Variants in OTUD7A observed in about 807,000 individuals in gnomAD.
OTUD7A encodes OTU domain-containing protein 7A.
OTUD7A carries 12 observed loss-of-function variants against 65.7 expected under a neutral mutation model. That is an observed-to-expected ratio of 0.18 (90% CI 0.12 to 0.30). The LOEUF is 0.30. OTUD7A is among the 10% of genes least tolerant of loss of function. The pLI, the probability that OTUD7A is intolerant of heterozygous loss-of-function variation, is 1.00. For missense variants in OTUD7A, 1,148 were observed against 1,304.8 expected (o/e 0.88, Z 1.85); for synonymous variants, 641 against 586.3 (o/e 1.09, Z -1.35).
At chr15:31,582,313 C>T (rs1305439802) in intron 3 of OTUD7A, among the ~76,000 whole-genome samples, 1 of 152,194 alleles carries the variant, frequency 6.6e-6, no homozygotes, top group African/African-American at 2.4e-5. Context: ...CCACATTTTC[C>T]TGTCTTCTTC....
At chr15:31,563,328 C>T (rs1050428122) in intron 4 of OTUD7A, among the ~76,000 whole-genome samples, 4 of 152,216 alleles carry the variant, frequency 2.6e-5, no homozygotes, top group Non-Finnish European at 4.4e-5. Flanking sequence ...GCCCTGAGCA[C>T]AAGACCGAGC....
At chr15:31,650,006 G>A (rs559020322) in intron 3 of OTUD7A, among the ~76,000 whole-genome samples, 35 of 129,082 alleles carry the variant, frequency 2.7e-4, no homozygotes, top group East Asian at 4.2e-4. Flanking sequence ...GGTCTCTACC[G>A]TTCTAAGAAA....
chr15:31,742,955 A>C (rs1462840510), intron 1 of OTUD7A, among the ~76,000 whole-genome samples: 1 of 152,192 alleles, frequency 6.6e-6, no homozygotes, highest in African/African-American at 2.4e-5. Context: ...AAATATATAA[A>C]GCAAAATATG....
chr15:31,494,168 T>C (rs1213288281), intron 10 of OTUD7A, among the ~76,000 whole-genome samples: 1 of 152,256 alleles, frequency 6.6e-6, no homozygotes, highest in Non-Finnish European at 1.5e-5. Flanking sequence ...GACTGAATAT[T>C]TGTGTTCCTC....
intron 3 of OTUD7A, among the ~76,000 whole-genome samples, chr15:31,654,711 C>T (rs914218101): frequency 1.3e-5 from 2 of 152,152 alleles, no homozygotes; most frequent in African/African-American, 4.8e-5. Flanking sequence ...TCTCATGCAG[C>T]AAATGGTATC....
At chr15:31,620,552 T>C (rs1890746945) in intron 3 of OTUD7A, among the ~76,000 whole-genome samples, 1 of 150,634 alleles carries the variant, frequency 6.6e-6, no homozygotes, top group South Asian at 2.1e-4. Context: ...AGTTTATTTG[T>C]GTAGAGGTGT....
chr15:31,854,778 G>A (rs1053818025), intron 1 of OTUD7A, among the ~76,000 whole-genome samples: 2 of 151,668 alleles, frequency 1.3e-5, no homozygotes, highest in Non-Finnish European at 2.9e-5. Context: ...ACATCTTTGA[G>A]GGGTTGTCTT....
chr15:31,709,169 G>C (rs1893375336), intron 1 of OTUD7A, among the ~76,000 whole-genome samples: 2 of 151,380 alleles, frequency 1.3e-5, no homozygotes, highest in Non-Finnish European at 1.5e-5. Flanking sequence ...AGACCTCCTA[G>C]CTACGCCTGC....
At chr15:31,792,459 T>G (rs2140938708) in intron 1 of OTUD7A, among the ~76,000 whole-genome samples, 1 of 152,138 alleles carries the variant, frequency 6.6e-6, no homozygotes, top group South Asian at 2.1e-4. Flanking sequence ...CCCTCCCCTC[T>G]CCCCATATTC....
chr15:31,570,719 A>C (rs747671823), intron 3 of OTUD7A, among the ~76,000 whole-genome samples: 1 of 152,086 alleles, frequency 6.6e-6, no homozygotes, highest in Non-Finnish European at 1.5e-5. Flanking sequence ...TAGGCTTCTG[A>C]GCTCAGGCCC....
chr15:31,753,278 T>C (rs1894688716), intron 1 of OTUD7A, among the ~76,000 whole-genome samples: 1 of 152,020 alleles, frequency 6.6e-6, no homozygotes, highest in Non-Finnish European at 1.5e-5. Flanking sequence ...ATCCAGGCAG[T>C]GTCACTGAAG....
At chr15:31,543,385 C>T (rs1239856073) in intron 5 of OTUD7A, among the ~76,000 whole-genome samples, 2 of 151,808 alleles carry the variant, frequency 1.3e-5, no homozygotes, top group Non-Finnish European at 3.0e-5. Flanking sequence ...AGAGAATAAA[C>T]ACCACATTGA....
At chr15:31,774,081 T>C (rs1895307632) in intron 1 of OTUD7A, among the ~76,000 whole-genome samples, 1 of 152,240 alleles carries the variant, frequency 6.6e-6, no homozygotes, top group South Asian at 2.1e-4. Context: ...AGCCATGCAC[T>C]ATGAGAGAAT....
intron 1 of OTUD7A, chr15:31,768,152 C>T (rs1895137505): frequency 3.8e-6 from 6 of 1,574,552 alleles, no homozygotes; most frequent in African/African-American, 1.4e-5. Context: ...AACTTCATTC[C>T]ACAGCTTGGT....
At chr15:31,537,008 A>G (rs2141130318) in intron 5 of OTUD7A, among the ~76,000 whole-genome samples, 1 of 152,358 alleles carries the variant, frequency 6.6e-6, no homozygotes, top group Non-Finnish European at 1.5e-5. Flanking sequence ...ATATACATGT[A>G]ACGAAATTTC....
chr15:31,863,419 G>C (rs1419208475), intron 1 of OTUD7A, among the ~76,000 whole-genome samples: 1 of 152,152 alleles, frequency 6.6e-6, no homozygotes, highest in Non-Finnish European at 1.5e-5. Context: ...ACTTTTACCT[G>C]GGCATCCAGG....
chr15:31,506,637 C>G (rs932839966), intron 8 of OTUD7A, among the ~76,000 whole-genome samples: 1 of 152,094 alleles, frequency 6.6e-6, no homozygotes, highest in Non-Finnish European at 1.5e-5. Context: ...ACAGTACTAC[C>G]ATATATTTGC....
intron 6 of OTUD7A, among the ~76,000 whole-genome samples, chr15:31,529,094 C>T (rs960172115): frequency 2.0e-5 from 3 of 152,258 alleles, no homozygotes; most frequent in Middle Eastern, 6.8e-3. Context: ...GGCCTTGCCC[C>T]GCTGTTGTGC....
At chr15:31,537,251 C>T (rs1203608945) in intron 5 of OTUD7A, among the ~76,000 whole-genome samples, 1 of 152,098 alleles carries the variant, frequency 6.6e-6, no homozygotes, top group Admixed American at 6.5e-5. Flanking sequence ...AAACTGAATC[C>T]TTATCCACTC....
Sources: allele counts gnomAD v4.1 joint callset (sites outside exome capture counted in the v4.1 genomes callset), GRCh38; gene constraint gnomAD v4.1.1; transcripts MANE v1.5; gene names NCBI Gene and HGNC (gene_info 2026-07-23, HGNC 2026-07-21).